Variants in NELL2 observed in about 807,000 individuals in gnomAD.
The protein encoded by NELL2 is neural EGFL like 2, also known as protein kinase C-binding protein NELL2.
Under a neutral mutation model 109.6 loss-of-function variants are expected in NELL2, and 41 were observed. That is an observed-to-expected ratio of 0.37 (90% CI 0.29 to 0.49). The LOEUF (loss-of-function observed/expected upper bound fraction) is 0.49, where lower values mean the gene tolerates loss of function less well. Ranked by LOEUF, NELL2 falls within the 20% of genes least tolerant of loss-of-function variation. The pLI is 0.98. For missense variants in NELL2, 900 were observed against 1,008.3 expected (o/e 0.89, Z 1.45); for synonymous variants, 355 against 344.7 (o/e 1.03, Z -0.33).
At chr12:44,804,105 T>C (rs1317040710) in intron 3 of NELL2, among the ~76,000 whole-genome samples, 2 of 151,948 alleles carry the variant, frequency 1.3e-5, no homozygotes, top group African/African-American at 4.8e-5. Context: ...GGGTTTAAGC[T>C]GAAATATTCA....
At chr12:44,531,335 CTT>C (rs1415364935) in intron 16 of NELL2, among the ~76,000 whole-genome samples, 1 of 152,152 alleles carries the variant, frequency 6.6e-6, no homozygotes, top group Non-Finnish European at 1.5e-5. Context: ...AACAAAGTAG[CTT>C]ATCAGGGAAG....
intron 9 of NELL2, among the ~76,000 whole-genome samples, chr12:44,725,797 G>C (rs1207236429): frequency 6.6e-6 from 1 of 152,052 alleles, no homozygotes; most frequent in African/African-American, 2.4e-5. Flanking sequence ...GGAACTAAAC[G>C]ATAAGAACTT....
intron 5 of NELL2, among the ~76,000 whole-genome samples, chr12:44,777,572 G>A (rs1941804065): frequency 6.6e-6 from 1 of 152,106 alleles, no homozygotes; most frequent in Admixed American, 6.6e-5. Context: ...TAACTAAGAG[G>A]CAATAGTTAT....
At chr12:44,918,513 ATGTATGTGTGTGTGTGTGTGTGTG>A (rs964226929), upstream of NELL2, among the ~76,000 whole-genome samples, 6 of 121,426 alleles carry the variant, frequency 4.9e-5, no homozygotes, top group Non-Finnish European at 8.9e-5. Context: ...TCATGCATGC[ATGTATGTGTGTGTGTGTGTGTGTG>A]TGTGTGTGTG....
intron 1 of NELL2, among the ~76,000 whole-genome samples, chr12:44,895,717 T>A (rs1592709374): frequency 6.6e-6 from 1 of 152,122 alleles, no homozygotes; most frequent in Admixed American, 6.5e-5. Flanking sequence ...TACGAAATCA[T>A]ATATCACCCC....
chr12:44,689,247 C>T (rs1948825331), intron 12 of NELL2, among the ~76,000 whole-genome samples: 1 of 152,092 alleles, frequency 6.6e-6, no homozygotes, highest in East Asian at 1.9e-4. Flanking sequence ...TTTCTATGTC[C>T]CTATTGTCCC....
chr12:44,550,597 G>C (rs555945719), intron 15 of NELL2, among the ~76,000 whole-genome samples: 1 of 143,980 alleles, frequency 6.9e-6, no homozygotes, highest in African/African-American at 2.6e-5. Context: ...ATAAATAGCC[G>C]AGTTATGGGG....
chr12:44,595,948 C>A (rs931856163), intron 15 of NELL2, among the ~76,000 whole-genome samples: 2 of 152,120 alleles, frequency 1.3e-5, no homozygotes, highest in South Asian at 4.1e-4. Context: ...TAAAGCCTTC[C>A]CCTGTAAATT....
intron 1 of NELL2, among the ~76,000 whole-genome samples, chr12:44,906,826 A>T (rs1257357059): frequency 6.6e-6 from 1 of 152,110 alleles, no homozygotes; most frequent in African/African-American, 2.4e-5. Flanking sequence ...ATTGAGATTT[A>T]AAGGAAAGAA....
chr12:44,798,503 T>C (rs2136646738), intron 3 of NELL2, among the ~76,000 whole-genome samples: 1 of 152,184 alleles, frequency 6.6e-6, no homozygotes, highest in Admixed American at 6.5e-5. Context: ...ATGCAACAAC[T>C]CTACAGAATG....
chr12:44,714,148 C>T lies in NELL2; in HGVS notation c.1086+502G>A, dbSNP rs1261923386. Among the ~76,000 whole-genome samples the T allele has an allele frequency of 2.6e-5, 4 of 151,868 alleles. No homozygotes were observed. In the East Asian group the frequency reaches 7.7e-4, roughly 29 times the overall value. On this transcript the variant is annotated intron_variant, in intron 10 of 19. Coordinates refer to ENST00000429094, the MANE Select transcript of NELL2 (RefSeq NM_001145108.2). ...AATGAATCACATTTGCTTCAGAAAC[C>T]TTGGCAAGTAAATTTGTAAGGAATT...
chr12:44,687,828 C>G (rs1592337944), intron 12 of NELL2, among the ~76,000 whole-genome samples: 2 of 152,144 alleles, frequency 1.3e-5, no homozygotes, highest in Non-Finnish European at 2.9e-5. Flanking sequence ...AGCTGTTAAT[C>G]ATGTGGTGTC....
At chr12:44,512,198 C>T (rs913970548) in intron 19 of NELL2, among the ~76,000 whole-genome samples, 13 of 152,086 alleles carry the variant, frequency 8.5e-5, no homozygotes, top group African/African-American at 2.7e-4. Context: ...GAAAAGAAGT[C>T]ATACAAATGA....
chr12:44,886,059 C>T (rs1945467498), intron 1 of NELL2, among the ~76,000 whole-genome samples: 1 of 139,758 alleles, frequency 7.2e-6, no homozygotes, highest in South Asian at 2.2e-4. Context: ...AACAATGATG[C>T]CAGAACAATG....
At chr12:44,605,655 C>T (rs1386978615) in intron 15 of NELL2, among the ~76,000 whole-genome samples, 1 of 152,166 alleles carries the variant, frequency 6.6e-6, no homozygotes, top group Admixed American at 6.5e-5. Context: ...TGCACGGCCA[C>T]TGTTCATCCC....
At chr12:44,527,012 T>G (rs1941815596) in intron 16 of NELL2, among the ~76,000 whole-genome samples, 1 of 152,210 alleles carries the variant, frequency 6.6e-6, no homozygotes, top group Non-Finnish European at 1.5e-5. Context: ...CTATCTCGAC[T>G]TGGCAATAAT....
At chr12:44,618,297 TC>T (rs1231684920) in intron 13 of NELL2, among the ~76,000 whole-genome samples, 1 of 152,192 alleles carries the variant, frequency 6.6e-6, no homozygotes, top group Non-Finnish European at 1.5e-5. Flanking sequence ...TTGTTATTCT[TC>T]AGTTTGCTTG....
rs1942022291 is a variant in NELL2, at chr12:44,783,015, A to G, written c.336-2993T>C. On this transcript the variant is annotated intron_variant, in intron 3 of 19. Coordinates refer to ENST00000429094, the MANE Select transcript of NELL2 (RefSeq NM_001145108.2). ...GCCATAAAATAAACCTCAACAAAAC[A>G]ACATTTTAAAAAATTTAAATCACTT... Among the ~76,000 whole-genome samples, 3 of 152,000 alleles carry G rather than the reference A, an allele frequency of 2.0e-5. 1 individual carries two copies. Among genetic ancestry groups the G allele is most frequent in the South Asian group, 2.1e-4 (1 of 4,824 alleles).
chr12:44,675,138 T>C (rs1948263602), intron 12 of NELL2, among the ~76,000 whole-genome samples: 1 of 152,194 alleles, frequency 6.6e-6, no homozygotes, highest in Non-Finnish European at 1.5e-5. Context: ...ACATGGGCTT[T>C]TGTATGAATA....
Sources: gnomAD v4.1 joint callset for allele counts (sites outside exome capture counted in the v4.1 genomes callset) on GRCh38, gnomAD v4.1.1 for gene constraint, MANE v1.5 for transcripts, NCBI Gene and HGNC (gene_info 2026-07-23, HGNC 2026-07-21) for gene names.